Variants in LRRTM4 observed in about 807,000 individuals in gnomAD.
The protein encoded by LRRTM4 is leucine-rich repeat transmembrane neuronal protein 4.
Under a neutral mutation model 47.6 loss-of-function variants are expected in LRRTM4, and 25 were observed. That is an observed-to-expected ratio of 0.53 (90% CI 0.38 to 0.73). The LOEUF is 0.73. Ranked by LOEUF, LRRTM4 falls within the 30% of genes least tolerant of loss-of-function variation. LRRTM4 has a pLI of 0.00. For synonymous variants in LRRTM4, 311 were observed against 269.5 expected (o/e 1.15, Z -1.51); for missense variants, 638 against 713.4 (o/e 0.89, Z 1.20).
chr2:77,195,375 T>C (rs951654695), intron 3 of LRRTM4, among the ~76,000 whole-genome samples: 5 of 152,008 alleles, frequency 3.3e-5, no homozygotes, highest in Non-Finnish European at 7.4e-5. Context: ...GGAGGGATGA[T>C]TTATAGAGAA....
At chr2:76,940,851 A>G (rs1675114623) in intron 3 of LRRTM4, among the ~76,000 whole-genome samples, 1 of 151,750 alleles carries the variant, frequency 6.6e-6, no homozygotes, top group African/African-American at 2.4e-5. Context: ...CAAAAAAATC[A>G]CTCTCTCAGG....
rs925493459 is a variant in LRRTM4 at position 77,455,267 on chromosome 2, C to T, written c.1551+63051G>A. ...TGAACATAGAGACCATAGAGACTATCGTATTATTTTCAAAATATTTTTCAA... is the reference window on the plus strand; with the variant it reads ...TGAACATAGAGACCATAGAGACTATTGTATTATTTTCAAAATATTTTTCAA... On this transcript the variant is annotated intron_variant, in intron 3 of 3. Transcript: ENST00000409884. 5.3e-5 allele frequency among the ~76,000 whole-genome samples: 8 copies of T among 152,070 alleles called. No homozygotes were observed. In the South Asian group the frequency reaches 6.2e-4, roughly 12 times the overall value.
intron 3 of LRRTM4, among the ~76,000 whole-genome samples, chr2:76,928,660 A>T (rs1157120705): frequency 6.6e-6 from 1 of 152,140 alleles, no homozygotes; most frequent in African/African-American, 2.4e-5. Context: ...TTCTTTTTAC[A>T]TGAATAGGAA....
chr2:77,310,729 A>G (rs1573232629), intron 3 of LRRTM4, among the ~76,000 whole-genome samples: 1 of 152,198 alleles, frequency 6.6e-6, no homozygotes, highest in Non-Finnish European at 1.5e-5. Context: ...CTGCTGCGGG[A>G]AAGATCAGAC....
At chr2:77,153,105 T>C (rs1672472712) in intron 3 of LRRTM4, among the ~76,000 whole-genome samples, 1 of 152,194 alleles carries the variant, frequency 6.6e-6, no homozygotes, top group African/African-American at 2.4e-5. Flanking sequence ...TATTGTAAGA[T>C]TTCCTCTGCT....
intron 3 of LRRTM4, among the ~76,000 whole-genome samples, chr2:77,165,635 G>C (rs926515447): frequency 2.0e-5 from 3 of 152,210 alleles, no homozygotes; most frequent in Non-Finnish European, 4.4e-5. Context: ...TTCATCCCTG[G>C]GATGCAAGGC....
chr2:77,454,638 A>G (rs1676448180), intron 3 of LRRTM4, among the ~76,000 whole-genome samples: 1 of 152,142 alleles, frequency 6.6e-6, no homozygotes, highest in Non-Finnish European at 1.5e-5. Context: ...AGTACTATGG[A>G]CATAATCCAG....
Position 77,144,390 on chromosome 2 carries a change from C to T in LRRTM4, c.1551+373928G>A, listed in dbSNP as rs189856337. On this transcript the variant is annotated intron_variant, in intron 3 of 3. Coordinates refer to ENST00000409884, the MANE Select transcript of LRRTM4 (RefSeq NM_001134745.3). ...CACATCACAGTGCTTAACACACTGA[C>T]TCAGGGCATAACAAGGCTGCTGCAT... 8.6e-5 allele frequency among the ~76,000 whole-genome samples: 13 copies of T among 151,964 alleles called. No individual in the cohort carries two copies. In the East Asian group the frequency reaches 1.7e-3, roughly 20 times the overall value.
At chr2:77,149,314 T>G (rs1320564586) in intron 3 of LRRTM4, among the ~76,000 whole-genome samples, 1 of 151,138 alleles carries the variant, frequency 6.6e-6, no homozygotes, top group African/African-American at 2.4e-5. Flanking sequence ...ATTTTATCAG[T>G]TTTTTTTTAA....
At chr2:77,308,216 T>A (rs1677346167) in intron 3 of LRRTM4, among the ~76,000 whole-genome samples, 2 of 150,762 alleles carry the variant, frequency 1.3e-5, no homozygotes, top group Admixed American at 1.3e-4. Context: ...ATATTTGGTA[T>A]GAAATAAAGG....
intron 3 of LRRTM4, among the ~76,000 whole-genome samples, chr2:77,445,949 T>C (rs886460510): frequency 2.2e-4 from 34 of 152,180 alleles, no homozygotes; most frequent in African/African-American, 7.9e-4. Context: ...GTTATTGATA[T>C]TATTAGTATC....
intron 3 of LRRTM4, among the ~76,000 whole-genome samples, chr2:77,069,308 A>G (rs926353104): frequency 6.6e-6 from 1 of 152,058 alleles, no homozygotes; most frequent in African/African-American, 2.4e-5. Context: ...TACTATTAAC[A>G]TACATGTACA....
At chr2:77,351,661 A>G (rs1671784118) in intron 3 of LRRTM4, among the ~76,000 whole-genome samples, 1 of 147,526 alleles carries the variant, frequency 6.8e-6, no homozygotes, top group Non-Finnish European at 1.5e-5. Flanking sequence ...ATGAGTGTGT[A>G]TACATGTATA....
At chr2:76,795,719 CG>C (rs1165738919) in intron 3 of LRRTM4, among the ~76,000 whole-genome samples, 1 of 152,020 alleles carries the variant, frequency 6.6e-6, no homozygotes, top group East Asian at 1.9e-4. Flanking sequence ...ATACTGATGT[CG>C]TTTCCTTTGG....
At chr2:77,152,886 A>T (rs1672467516) in intron 3 of LRRTM4, among the ~76,000 whole-genome samples, 1 of 152,196 alleles carries the variant, frequency 6.6e-6, no homozygotes. Flanking sequence ...GGAATATTTA[A>T]ATCAAGCTAG....
chr2:77,043,810 C>T (rs565795902), intron 3 of LRRTM4, among the ~76,000 whole-genome samples: 13 of 151,628 alleles, frequency 8.6e-5, no homozygotes, highest in East Asian at 3.9e-4. Flanking sequence ...TAATAACTAA[C>T]GAATGTAAAG....
intron 3 of LRRTM4, among the ~76,000 whole-genome samples, chr2:77,074,156 T>C (rs1012695692): frequency 2.0e-5 from 3 of 152,198 alleles, no homozygotes; most frequent in East Asian, 1.9e-4. Context: ...TCCAACTTCA[T>C]CTGCATCTAT....
At chr2:77,014,519 A>AT (rs1677988926) in intron 3 of LRRTM4, among the ~76,000 whole-genome samples, 1 of 135,248 alleles carries the variant, frequency 7.4e-6, no homozygotes, top group African/African-American at 2.8e-5. Context: ...TATATATATA[A>AT]AGATTTTATA....
intron 3 of LRRTM4, among the ~76,000 whole-genome samples, chr2:77,026,142 T>G (rs1678444743): frequency 6.6e-6 from 1 of 152,296 alleles, no homozygotes; most frequent in Non-Finnish European, 1.5e-5. Flanking sequence ...CCACATTCTT[T>G]GGAATGCTTT....
Sources: gnomAD v4.1 joint callset for allele counts (sites outside exome capture counted in the v4.1 genomes callset) on GRCh38, gnomAD v4.1.1 for gene constraint, MANE v1.5 for transcripts, NCBI Gene and HGNC (gene_info 2026-07-23, HGNC 2026-07-21) for gene names.